CREM: variants seen among roughly 807,000 people sequenced by gnomAD.
CREM encodes cAMP responsive element modulator, also known as cAMP-responsive element modulator.
In CREM, 13 loss-of-function variants were observed where a neutral mutation model predicts 37.3. The ratio of observed to expected loss-of-function variants is 0.35; its 90% CI spans 0.23 to 0.55. The LOEUF (loss-of-function observed/expected upper bound fraction) is 0.55, where lower values mean the gene tolerates loss of function less well. Among genes scored for constraint, CREM ranks in the 20% least tolerant of loss-of-function variants. The pLI, the probability that CREM is intolerant of heterozygous loss-of-function variation, is 0.88. For synonymous variants in CREM, 124 were observed against 120.2 expected (o/e 1.03, Z -0.21); for missense variants, 296 against 362.3 (o/e 0.82, Z 1.49).
At chr10:35,158,868 GTTTC>G (rs1164042732) in intron 3 of CREM, among the ~76,000 whole-genome samples, 7 of 109,012 alleles carry the variant, frequency 6.4e-5, no homozygotes, top group African/African-American at 2.4e-4. Context: ...AAGATTTCAT[GTTTC>G]TTAGAAAATT....
At chr10:35,164,250 G>T (rs1458514804) in intron 3 of CREM, among the ~76,000 whole-genome samples, 1 of 152,202 alleles carries the variant, frequency 6.6e-6, no homozygotes, top group African/African-American at 2.4e-5. Context: ...TCTGGTCAAT[G>T]TGCAATAAAT....
At chr10:35,136,833 T>G (rs1430247074) in intron 1 of CREM, among the ~76,000 whole-genome samples, 1 of 148,114 alleles carries the variant, frequency 6.8e-6, no homozygotes, top group Non-Finnish European at 1.5e-5. Flanking sequence ...CAAAAGAGTT[T>G]AGGTCTGTGA....
intron 2 of CREM, among the ~76,000 whole-genome samples, chr10:35,139,784 A>T (rs1442350589): frequency 6.6e-6 from 1 of 152,264 alleles, no homozygotes; most frequent in Admixed American, 6.5e-5. Flanking sequence ...TAAATTATAT[A>T]GTGAATAATG....
In CREM at chr10:35,150,728, C is replaced by T. The variant is rs534012126; in HGVS notation, c.168+2237C>T. The stretch of plus-strand genomic sequence containing the variant: ...CGCAGCTGCTCGGGAGGCTGAGGCA[C>T]GAGAATCACTTGAACCCAGGAGGCT... On this transcript the variant is annotated intron_variant, in intron 3 of 7. Transcript: ENST00000685392. 4.6e-5 allele frequency among the ~76,000 whole-genome samples: 7 copies of T among 151,896 alleles called. No individual in the cohort carries two copies. The East Asian group carries it at 1.2e-3, about 25-fold the overall frequency.
At chr10:35,133,728 T>C (rs1271749599) in intron 1 of CREM, among the ~76,000 whole-genome samples, 1 of 152,276 alleles carries the variant, frequency 6.6e-6, no homozygotes, top group African/African-American at 2.4e-5. Context: ...TCATCTAATG[T>C]ACAGTTTAAC....
rs371978117 is a variant in CREM at position 35,194,097 on chromosome 10, C to CAAAAAAAAAAAAAAAAAAAAAAAAAAAA, written c.598+5736_598+5737insAAAAAAAAAAAAAAAAAAAAAAAAAAAA. On this transcript the variant is annotated intron_variant, in intron 6 of 7. Transcript: ENST00000685392. ...GGGGGAGAATAGCGAGACTTCATCT[C>CAAAAAAAAAAAAAAAAAAAAAAAAAAAA]AAAAAAAAAAAAAAAAAAAAAAAAA... Among the ~76,000 whole-genome samples the CAAAAAAAAAAAAAAAAAAAAAAAAAAAA allele has an allele frequency of 1.6e-4, 4 of 25,052 alleles. 1 individual carries two copies. Among genetic ancestry groups the CAAAAAAAAAAAAAAAAAAAAAAAAAAAA allele is most frequent in the African/African-American group, 1.7e-4 (1 of 6,000 alleles). 16.4% of individuals were successfully genotyped at this position (25,052 alleles called of 152,430 possible).
At chr10:35,166,061 G>T (rs966135254) in intron 3 of CREM, among the ~76,000 whole-genome samples, 13 of 151,958 alleles carry the variant, frequency 8.6e-5, no homozygotes, top group Non-Finnish European at 1.6e-4. Context: ...TTCAGATTAT[G>T]GATTTCAGCT....
intron 2 of CREM, among the ~76,000 whole-genome samples, chr10:35,143,801 G>A (rs2091751589): frequency 6.6e-6 from 1 of 152,192 alleles, no homozygotes; most frequent in African/African-American, 2.4e-5. Flanking sequence ...GGGGAACAAA[G>A]CAGATGGCCA....
rs1380637986 is a variant in CREM at position 35,206,901 on chromosome 10, C to T, written c.605C>T (p.Thr202Ile). 2.2e-5 allele frequency: 35 copies of T among 1,613,606 alleles called. No individual in the cohort carries two copies. Among genetic ancestry groups the T allele is most frequent in the Non-Finnish European group, 3.0e-5 (35 of 1,179,928 alleles). The part of the protein sequence containing the change: ...PGSQVVVQAA[T>I]GDMPTYQIRA... Reference sequence around the variant, plus strand: ...ATATTTTGTTTTACTGCAGCTGCCACTGGTGACATGCCAACTTACCAGATC... The same window carrying T: ...ATATTTTGTTTTACTGCAGCTGCCATTGGTGACATGCCAACTTACCAGATC... The change falls in exon 7 of 8, where the codon ACT becomes ATT. Residue 202 changes from threonine (T) to isoleucine (I), a missense_variant. Physicochemically the swap from Thr to Ile is moderately conservative, Grantham distance 89. This residue lies in a region of CREM where 257 missense variants were observed against 280.2 expected (regional missense o/e 0.92). Transcript: ENST00000685392.
intron 6 of CREM, among the ~76,000 whole-genome samples, chr10:35,206,438 G>A (rs893752827): frequency 2.6e-5 from 4 of 152,134 alleles, no homozygotes; most frequent in East Asian, 1.9e-4. Flanking sequence ...TGCTTACCAC[G>A]TGTGTGTCTT....
At chr10:35,148,776 C>T (rs901661290) in intron 3 of CREM, 2 of 268,044 alleles carry the variant, frequency 7.5e-6, no homozygotes, top group Non-Finnish European at 1.4e-5. Flanking sequence ...GTTGCTAATT[C>T]GAAATTGATA....
chr10:35,178,067 C>T (rs1452473366), intron 3 of CREM, among the ~76,000 whole-genome samples: 2 of 152,018 alleles, frequency 1.3e-5, no homozygotes, highest in Admixed American at 1.3e-4. Context: ...TGATTTTGTC[C>T]AAATCAATTT....
chr10:35,166,333 C>T (rs1464999356), intron 3 of CREM, among the ~76,000 whole-genome samples: 3 of 151,838 alleles, frequency 2.0e-5, no homozygotes, highest in South Asian at 2.1e-4. Flanking sequence ...GAGGCCAAGG[C>T]GGGTAGATTA....
At chr10:35,178,815 C>G (rs976353717) in intron 3 of CREM, 74 bp from the exon 4 acceptor site, 19 of 1,237,684 alleles carry the variant, frequency 1.5e-5, no homozygotes, top group Non-Finnish European at 2.1e-5. Flanking sequence ...CACACAGACT[C>G]TTAGCCTCAA....
At chr10:35,184,060 G>A (rs574197255) in intron 5 of CREM, among the ~76,000 whole-genome samples, 52 of 152,312 alleles carry the variant, frequency 3.4e-4, no homozygotes, top group African/African-American at 1.1e-3. Flanking sequence ...GGCGAGAAGA[G>A]TGAAAGTCCA....
At position 35,134,819 on chromosome 10, in the gene CREM, C is replaced by G. The variant is rs556802562; in HGVS notation, c.-54-2963C>G. On this transcript the variant is annotated intron_variant, in intron 1 of 7. Transcript: ENST00000685392. ...TTGGGAGGCCGAGGCAGGCGGATCA[C>G]TTGAAGTCAGGGGTTCGAGACCAGC... Among the ~76,000 whole-genome samples, 22 of 152,238 alleles carry G rather than the reference C, an allele frequency of 1.4e-4. No individual in the cohort carries two copies. The South Asian group carries it at 4.4e-3, about 30-fold the overall frequency.
At position 35,212,287 on chromosome 10, in the gene CREM, A is replaced by T. The variant is rs542916194; in HGVS notation, c.*889A>T. 1.3e-5 allele frequency: 2 copies of T among 150,538 alleles called. No individual in the cohort carries two copies. Among genetic ancestry groups the T allele is most frequent in the African/African-American group, 2.4e-5 (1 of 40,836 alleles). 9.3% of individuals were successfully genotyped at this position (150,538 alleles called of 1,614,324 possible). On this transcript the variant is annotated 3_prime_UTR_variant, in exon 8 of 8. Coordinates refer to ENST00000685392, the MANE Select transcript of CREM (RefSeq NM_183011.2). ...GAATATATGGCATTTGCAGATTTTT[A>T]TATTAGTTGCTTTGTTAAAAAAAAA...
intron 5 of CREM, among the ~76,000 whole-genome samples, chr10:35,184,476 G>C (rs1368662254): frequency 6.6e-6 from 1 of 152,158 alleles, no homozygotes. Context: ...TCAGATGAGA[G>C]AGAACATTTT....
At chr10:35,131,557 A>G (rs901034019) in intron 1 of CREM, among the ~76,000 whole-genome samples, 5 of 152,206 alleles carry the variant, frequency 3.3e-5, no homozygotes, top group Non-Finnish European at 1.5e-5. Flanking sequence ...TATCACACAT[A>G]AAGACCCACA....
Sources: gnomAD v4.1 joint callset for allele counts (sites outside exome capture counted in the v4.1 genomes callset) on GRCh38, gnomAD v4.1.1 for gene constraint, gnomAD v4.1.1 regional missense constraint, MANE v1.5 for transcripts, NCBI Gene and HGNC (gene_info 2026-07-23, HGNC 2026-07-21) for gene names.